The following ABCA10 variants were observed in gnomAD, a reference collection of about 807,000 sequenced individuals.
ABCA10 encodes the protein ATP-binding cassette sub-family A member 10.
Under a neutral mutation model 187.5 loss-of-function variants are expected in ABCA10, and 169 were observed. That is an observed-to-expected ratio of 0.90 (90% CI 0.80 to 1.02). The LOEUF (loss-of-function observed/expected upper bound fraction) is 1.02, where lower values mean the gene tolerates loss of function less well. Among genes scored for constraint, ABCA10 ranks in the 50% least tolerant of loss-of-function variants. The pLI is 0.00. For synonymous variants in ABCA10, 574 were observed against 601.8 expected, an observed-to-expected ratio of 0.95 and a Z score of 0.68; for missense variants, 1,727 against 1,812.4, an observed-to-expected ratio of 0.95 and a Z score of 0.86.
Position 69,237,347 on chromosome 17 carries a change from T to C in ABCA10, c.-593+7182A>G, listed in dbSNP as rs372526585. Among the ~76,000 whole-genome samples, 213 of 152,354 alleles carry C rather than the reference T, an allele frequency of 1.4e-3. 2 individuals are homozygous for C. Among genetic ancestry groups the C allele is most frequent in the African/African-American group, 4.9e-3 (204 of 41,592 alleles). On this transcript the variant is annotated intron_variant, in intron 1 of 39. Transcript: ENST00000269081. ...GCCAAATCAGTGGCTGTATACCACA[T>C]GACAGAAGCTCTTCTTAATCAGCTC...
chr17:69,196,274 G>A (rs2074500939), intron 11 of ABCA10: 1 of 169,120 alleles, frequency 5.9e-6, no homozygotes. Flanking sequence ...GCCGGGCAGA[G>A]GGGCTCCTCA....
Position 69,153,284 on chromosome 17 carries a change from C to T in ABCA10, c.4136+21G>A, listed in dbSNP as rs200562513. The T allele has an allele frequency of 2.5e-6, 4 of 1,585,814 alleles. No individual in the cohort carries two copies. The African/African-American group carries it at 4.1e-5, about 16-fold the overall frequency. ...TAGAGGTATTCTCTTGACTCTGACACTTAATATTCACTCTCCTTACCACAT... is the reference window on the plus strand; with the variant it reads ...TAGAGGTATTCTCTTGACTCTGACATTTAATATTCACTCTCCTTACCACAT... On this transcript the variant is annotated intron_variant, in intron 34 of 38. Coordinates refer to ENST00000690296, the MANE Select transcript of ABCA10 (RefSeq NM_001377321.1).
intron 27 of ABCA10, among the ~76,000 whole-genome samples, chr17:69,162,816 T>TATACAC (rs2074226667): frequency 3.2e-5 from 2 of 62,708 alleles, no homozygotes; most frequent in African/African-American, 1.8e-4. Context: ...CATATATACA[T>TATACAC]ATACATATAC....
At chr17:69,189,394 T>C (rs919962214) in intron 18 of ABCA10, among the ~76,000 whole-genome samples, 1 of 152,142 alleles carries the variant, frequency 6.6e-6, no homozygotes, top group Non-Finnish European at 1.5e-5. Flanking sequence ...CTTACTGATT[T>C]AAGCTCCTTA....
rs756578188 is a variant in ABCA10 at position 69,219,532 on chromosome 17, CAACTT to C, written c.530+8_530+12del. 7.9e-6 allele frequency: 12 copies of C among 1,527,352 alleles called. No homozygotes were observed. The Admixed American group carries it at 2.0e-4, about 26-fold the overall frequency. 94.6% of individuals were successfully genotyped at this position (1,527,352 alleles called of 1,614,324 possible). A position where few individuals can be genotyped will look rare whatever the true frequency, so the allele number is the denominator to read the frequency against. On this transcript the variant is annotated splice_region_variant and intron_variant, in intron 6 of 38. Transcript: ENST00000690296. ...TAATGTATGATATACAGTAAAGTAG[CAACTT>C]AACTTACCAGAATGCTGACTCTCGG...
At chr17:69,243,728 T>C (rs1045502649) in intron 1 of ABCA10, among the ~76,000 whole-genome samples, 4 of 151,992 alleles carry the variant, frequency 2.6e-5, no homozygotes, top group Non-Finnish European at 4.4e-5. Flanking sequence ...CAAAACCCCA[T>C]CTCTACAAAA....
At chr17:69,179,191 A>C (rs4968847) in intron 22 of ABCA10, among the ~76,000 whole-genome samples, 3 of 94,148 alleles carry the variant, frequency 3.2e-5, no homozygotes, top group Admixed American at 1.3e-4. Context: ...TCAAAAAAAA[A>C]CAAAAAAACA....
intron 25 of ABCA10, among the ~76,000 whole-genome samples, chr17:69,166,892 C>G (rs1301880566): frequency 6.6e-6 from 1 of 152,136 alleles, no homozygotes; most frequent in Admixed American, 6.5e-5. Flanking sequence ...CAGAATCAAG[C>G]ACCAGGATTT....
chr17:69,154,639 G>A (rs2074159861), intron 30 of ABCA10, among the ~76,000 whole-genome samples: 1 of 151,968 alleles, frequency 6.6e-6, no homozygotes, highest in Non-Finnish European at 1.5e-5. Context: ...TGCCCAGGCT[G>A]GTCTCGAAAT....
intron 1 of ABCA10, among the ~76,000 whole-genome samples, chr17:69,240,309 T>G (rs1568080957): frequency 6.6e-6 from 1 of 152,162 alleles, no homozygotes; most frequent in Non-Finnish European, 1.5e-5. Flanking sequence ...AGGAAGGAAG[T>G]TAGGAGCAGA....
chr17:69,210,857 T>C (rs900412878), intron 9 of ABCA10, among the ~76,000 whole-genome samples: 2 of 145,176 alleles, frequency 1.4e-5, no homozygotes, highest in Admixed American at 6.9e-5. Context: ...CATATATATA[T>C]ATATATATGC....
In ABCA10 at chr17:69,161,474, A is replaced by G. The variant is rs144067038; in HGVS notation, c.3363+2600T>C. The stretch of plus-strand genomic sequence containing the variant: ...TAATTGCAGTTGTTTTTACCACCAC[A>G]GGTCACTGACTAGAAACAAATAGGT... On this transcript the variant is annotated intron_variant, in intron 27 of 38. Transcript: ENST00000690296. 1.4e-3 allele frequency among the ~76,000 whole-genome samples: 218 copies of G among 152,342 alleles called. 3 individuals are homozygous for G. The highest frequency in any genetic ancestry group is 0.012 in the Admixed American group (189 of 15,298).
intron 17 of ABCA10, 90 bp from the exon 18 acceptor site, chr17:69,190,567 G>T: frequency 8.4e-7 from 1 of 1,194,224 alleles, no homozygotes; most frequent in Non-Finnish European, 1.1e-6. Context: ...CAAAATAGAT[G>T]TCTACAAATG....
intron 29 of ABCA10, 137 bp from the exon 30 acceptor site, chr17:69,155,273 A>G (rs541888004): frequency 1.6e-6 from 1 of 610,486 alleles, no homozygotes; most frequent in Non-Finnish European, 2.8e-6. Context: ...TCTTTTTTCA[A>G]ATAAAATACC....
intron 9 of ABCA10, among the ~76,000 whole-genome samples, chr17:69,204,781 A>T (rs574668515): frequency 6.6e-6 from 1 of 152,234 alleles, no homozygotes; most frequent in South Asian, 2.1e-4. Flanking sequence ...TTATAAGTGT[A>T]AAAACATTTA....
intron 9 of ABCA10, among the ~76,000 whole-genome samples, chr17:69,209,913 T>A (rs2074625323): frequency 6.6e-6 from 1 of 152,056 alleles, no homozygotes; most frequent in Non-Finnish European, 1.5e-5. Flanking sequence ...ACAGTAAAAA[T>A]ATGGGATTAT....
chr17:69,183,196 C>G (rs1170243802), intron 20 of ABCA10, among the ~76,000 whole-genome samples: 2 of 152,034 alleles, frequency 1.3e-5, no homozygotes, highest in African/African-American at 4.8e-5. Context: ...ACCTCATGAC[C>G]CAGGCTTGTT....
In ABCA10 at chr17:69,153,395, C is replaced by G. The variant is rs2074145741; in HGVS notation, c.4046G>C (p.Cys1349Ser). The G allele has an allele frequency of 6.2e-7, 1 of 1,613,630 alleles. No homozygotes were observed. The highest frequency in any genetic ancestry group is 8.5e-7 in the Non-Finnish European group (1 of 1,179,758). The change falls in exon 34 of 39, where the codon TGC (cysteine) becomes TCC (serine). Residue 1349 changes from cysteine (C) to serine (S), a missense_variant. Transcript: ENST00000690296. Reference protein sequence around the residue: ...TLSEGIKRKLCFVLSILGNPS... With the variant: ...TLSEGIKRKLSFVLSILGNPS... ...GTTCCCCAGGATGCTCAGCACAAAG[C>G]ACAGCTGCAATGCAAGGAACAGCCC...
In ABCA10 at chr17:69,155,876, C is replaced by T; in HGVS notation, c.3505G>A (p.Glu1169Lys). 1 of 1,613,726 alleles carries T rather than the reference C, an allele frequency of 6.2e-7. No individual in the cohort carries two copies. Among genetic ancestry groups the T allele is most frequent in the Non-Finnish European group, 8.5e-7 (1 of 1,179,742 alleles). The change falls in exon 29 of 39, where the codon GAA becomes AAA. Residue 1169 changes from glutamate to lysine, a missense_variant. Transcript: ENST00000690296. ...TCAGCTTGAACATCTTCATCTTCTT[C>T]TTCGGGCTCTTCCGGATTGGGATGA... ...ETHPNPEEPE[E>K]EDEDVQAERV...
Sources: gnomAD v4.1 joint callset for allele counts (sites outside exome capture counted in the v4.1 genomes callset) on GRCh38, gnomAD v4.1.1 for gene constraint, MANE v1.5 for transcripts, NCBI Gene and HGNC (gene_info 2026-07-23, HGNC 2026-07-21) for gene names.